NTM: variants seen among roughly 807,000 people sequenced by gnomAD.
NTM encodes the protein IgLON family member 2.
Under a neutral mutation model 42.1 loss-of-function variants are expected in NTM, and 13 were observed. The ratio of observed to expected loss-of-function variants is 0.31; its 90% CI spans 0.20 to 0.49. The LOEUF is 0.49. Among genes scored for constraint, NTM ranks in the 20% least tolerant of loss-of-function variants. The probability of loss-of-function intolerance (pLI) is 0.99; values close to 1 mark genes in which losing one functional copy is unlikely to be tolerated. For missense variants in NTM, 373 were observed against 452.8 expected (o/e 0.82, Z 1.60); for synonymous variants, 187 against 179.2 (o/e 1.04, Z -0.35).
intron 1 of NTM, among the ~76,000 whole-genome samples, chr11:131,778,864 T>C (rs956896081): frequency 1.3e-5 from 2 of 152,142 alleles, no homozygotes; most frequent in Non-Finnish European, 2.9e-5. Context: ...GCCGAAACTG[T>C]GAATAGGATG....
chr11:131,761,976 C>T (rs1366159061), intron 1 of NTM, among the ~76,000 whole-genome samples: 1 of 152,152 alleles, frequency 6.6e-6, no homozygotes, highest in East Asian at 1.9e-4. Context: ...GGGAGAGATC[C>T]CTGATCAGAG....
chr11:131,382,234 C>T (rs1942775761), intron 1 of NTM, among the ~76,000 whole-genome samples: 3 of 152,006 alleles, frequency 2.0e-5, no homozygotes, highest in Admixed American at 2.0e-4. Flanking sequence ...TATTATTTTC[C>T]CTTCTTGACT....
At position 132,002,732 on chromosome 11, in the gene NTM, C is replaced by T. The variant is rs983217837; in HGVS notation, c.167+91084C>T. Among the ~76,000 whole-genome samples the T allele has an allele frequency of 3.3e-5, 5 of 152,118 alleles. No homozygotes were observed. The highest frequency in any genetic ancestry group is 1.9e-4 in the East Asian group (1 of 5,194). On this transcript the variant is annotated intron_variant, in intron 2 of 8. Coordinates refer to ENST00000683400, the MANE Select transcript of NTM (RefSeq NM_001352005.2). The surrounding 1 kb of genome is among the most constrained non-coding windows in gnomAD (Gnocchi z 4.5). The stretch of plus-strand genomic sequence containing the variant: ...GCAATACAATGCCTGGGTTTGAATT[C>T]AAGTTCTGCCACTTCCTTACTCTGT...
intron 2 of NTM, among the ~76,000 whole-genome samples, chr11:131,929,139 C>CG (rs1361858251): frequency 6.6e-6 from 1 of 151,494 alleles, no homozygotes; most frequent in Non-Finnish European, 1.5e-5. Context: ...AAGAGGAGAG[C>CG]GGCAGCCAGG....
At chr11:131,799,589 A>G in intron 1 of NTM, among the ~76,000 whole-genome samples, 1 of 152,180 alleles carries the variant, frequency 6.6e-6, no homozygotes, top group African/African-American at 2.4e-5. Context: ...CCAGCCAAAT[A>G]CATCCCGGCT....
At chr11:131,374,443 T>C (rs1941685075) in intron 1 of NTM, among the ~76,000 whole-genome samples, 1 of 152,198 alleles carries the variant, frequency 6.6e-6, no homozygotes, top group African/African-American at 2.4e-5. Context: ...GATTCTTCCC[T>C]TTTTTGGTTC....
chr11:132,015,569 T>A (rs2073245229), intron 2 of NTM, among the ~76,000 whole-genome samples: 1 of 151,816 alleles, frequency 6.6e-6, no homozygotes, highest in African/African-American at 2.4e-5. Flanking sequence ...TAACTTTTTT[T>A]TGTCAGTGTT....
chr11:131,811,727 A>G (rs891852351), intron 1 of NTM, among the ~76,000 whole-genome samples: 1 of 152,208 alleles, frequency 6.6e-6, no homozygotes, highest in Admixed American at 6.5e-5. Flanking sequence ...GCTCATTTAC[A>G]TGTAAAATTG....
At chr11:131,654,317 C>A (rs1383649709) in intron 1 of NTM, among the ~76,000 whole-genome samples, 1 of 152,204 alleles carries the variant, frequency 6.6e-6, no homozygotes, top group Non-Finnish European at 1.5e-5. Flanking sequence ...TCCACCCCCA[C>A]CGCCAAAGGC....
At position 132,002,243 on chromosome 11, in the gene NTM, A is replaced by T. The variant is rs534535619; in HGVS notation, c.167+90595A>T. 1.1e-4 allele frequency among the ~76,000 whole-genome samples: 17 copies of T among 152,296 alleles called. No homozygotes were observed. The highest frequency in any genetic ancestry group is 3.8e-4 in the African/African-American group (16 of 41,564). ...GGGAAGTGACTTGGTATTTGGCTGGACTTGTCTTGTGAGCTATTTGTGGCA... is the reference window on the plus strand; with the variant it reads ...GGGAAGTGACTTGGTATTTGGCTGGTCTTGTCTTGTGAGCTATTTGTGGCA... On this transcript the variant is annotated intron_variant, in intron 2 of 8. Coordinates refer to ENST00000683400, the MANE Select transcript of NTM (RefSeq NM_001352005.2). This position sits in a 1 kb window ranked among gnomAD's most constrained non-coding sequence, Gnocchi z 4.5.
chr11:131,395,820 G>C (rs2135631550), intron 1 of NTM, among the ~76,000 whole-genome samples: 1 of 152,276 alleles, frequency 6.6e-6, no homozygotes, highest in East Asian at 1.9e-4. Context: ...CCCTGTCCCT[G>C]CTACCAGATG....
intron 1 of NTM, among the ~76,000 whole-genome samples, chr11:131,732,686 C>T (rs546342291): frequency 1.6e-4 from 24 of 152,288 alleles, no homozygotes; most frequent in African/African-American, 5.8e-4. Context: ...TATCCAACAA[C>T]AATGCACCGG....
At chr11:131,676,277 G>A (rs973863496) in intron 1 of NTM, among the ~76,000 whole-genome samples, 1 of 152,216 alleles carries the variant, frequency 6.6e-6, no homozygotes, top group African/African-American at 2.4e-5. Flanking sequence ...GAAAAGGAAT[G>A]AGATGTTTTC....
intron 2 of NTM, among the ~76,000 whole-genome samples, chr11:132,128,989 C>T (rs1156490980): frequency 7.0e-6 from 1 of 143,064 alleles, no homozygotes; most frequent in Admixed American, 7.1e-5. Flanking sequence ...GGTCAGAAAT[C>T]ACTATCGACA....
intron 1 of NTM, among the ~76,000 whole-genome samples, chr11:131,709,061 G>T (rs1184573237): frequency 6.6e-6 from 1 of 152,140 alleles, no homozygotes; most frequent in Admixed American, 6.6e-5. Flanking sequence ...GGAAAAAAAG[G>T]TGCAAAGTTC....
In NTM at chr11:131,801,730, G is replaced by A. The variant is rs538097661; in HGVS notation, c.83-109834G>A. Among the ~76,000 whole-genome samples the A allele has an allele frequency of 2.6e-5, 4 of 152,214 alleles. No homozygotes were observed. In the South Asian group the frequency reaches 8.3e-4, roughly 32 times the overall value. On this transcript the variant is annotated intron_variant, in intron 1 of 8. Transcript: ENST00000683400. Reference sequence around the variant, plus strand: ...GTAAATGAGGAAAGCCCAGCTAGATGACCTTTTCAATTAATGGTGGCACGG... The same window carrying A: ...GTAAATGAGGAAAGCCCAGCTAGATAACCTTTTCAATTAATGGTGGCACGG...
intron 1 of NTM, among the ~76,000 whole-genome samples, chr11:131,663,800 A>G (rs1403715678): frequency 6.6e-6 from 1 of 152,118 alleles, no homozygotes; most frequent in Non-Finnish European, 1.5e-5. Context: ...ATACACACAC[A>G]CACACAGAGA....
intron 3 of NTM, among the ~76,000 whole-genome samples, chr11:132,196,847 G>A (rs774886803): frequency 6.6e-6 from 1 of 152,074 alleles, no homozygotes; most frequent in African/African-American, 2.4e-5. Context: ...CTGGGTGACT[G>A]GATCATTAAT....
intron 1 of NTM, among the ~76,000 whole-genome samples, chr11:131,543,496 G>A (rs1275230994): frequency 6.6e-6 from 1 of 152,220 alleles, no homozygotes; most frequent in Non-Finnish European, 1.5e-5. Context: ...AAAGGAAGTT[G>A]TGTTCAGTGA....
Sources: gnomAD v4.1 joint callset for allele counts (sites outside exome capture counted in the v4.1 genomes callset) on GRCh38, gnomAD v4.1.1 for gene constraint, Gnocchi (gnomAD v3.1) non-coding constraint, MANE v1.5 for transcripts, NCBI Gene and HGNC (gene_info 2026-07-23, HGNC 2026-07-21) for gene names.